The following CEMIP2 variants were observed in gnomAD, a reference collection of about 807,000 sequenced individuals.
CEMIP2 encodes cell surface hyaluronidase CEMIP2.
In CEMIP2, 79 loss-of-function variants were observed where a neutral mutation model predicts 146.9. The observed-to-expected ratio is 0.54, with a 90% CI of 0.45 to 0.65. The LOEUF (loss-of-function observed/expected upper bound fraction) is 0.65. Among genes scored for constraint, CEMIP2 ranks in the 30% least tolerant of loss-of-function variants. The pLI, the probability that CEMIP2 is intolerant of heterozygous loss-of-function variation, is 0.00. For synonymous variants in CEMIP2, 601 were observed against 606.3 expected, an observed-to-expected ratio of 0.99 and a Z score of 0.13; for missense variants, 1,596 against 1,696.2, an observed-to-expected ratio of 0.94 and a Z score of 1.04.
At chr9:71,763,638 T>G (rs1425100462) in intron 1 of CEMIP2, among the ~76,000 whole-genome samples, 1 of 152,248 alleles carries the variant, frequency 6.6e-6, no homozygotes, top group East Asian at 1.9e-4. Flanking sequence ...GGACCCTTGA[T>G]ACAACAAATG....
chr9:71,717,092 A>C (rs1564006565), intron 13 of CEMIP2, among the ~76,000 whole-genome samples: 1 of 152,286 alleles, frequency 6.6e-6, no homozygotes. Flanking sequence ...GGTTTGCTTG[A>C]GCATAGAAAG....
rs1377513489 is a variant in CEMIP2, at chr9:71,728,225, C to CTA, written c.2049+1619_2049+1620insTA. Among the ~76,000 whole-genome samples the CTA allele has an allele frequency of 5.9e-3, 118 of 19,888 alleles. 3 individuals carry two copies. The highest frequency in any genetic ancestry group is 8.5e-3 in the Admixed American group (11 of 1,292). 13.0% of individuals were successfully genotyped at this position (19,888 alleles called of 152,430 possible). A position where few individuals can be genotyped will look rare whatever the true frequency, so the allele number is the denominator to read the frequency against. On this transcript the variant is annotated intron_variant, in intron 10 of 23. Coordinates refer to ENST00000377044, the MANE Select transcript of CEMIP2 (RefSeq NM_013390.3). ...TCTCTCTCTCTCTCTCTCTCTCTCT[C>CTA]TCTCTCTATATATATATATATATAT...
At position 71,741,631 on chromosome 9, in the gene CEMIP2, G is replaced by GTTTTTTTT. The variant is rs11334265; in HGVS notation, c.1035-1407_1035-1400dup. ...CACCATTATTTCTTTTTCTTTTCTG[G>GTTTTTTTT]TTTTTTTTTTTTTTTTTTTTTTTTG... is the stretch of plus-strand genomic sequence containing the variant. On this transcript the variant is annotated intron_variant, in intron 4 of 23. Transcript: ENST00000377044. Among the ~76,000 whole-genome samples, 105 of 73,166 alleles carry GTTTTTTTT rather than the reference G, an allele frequency of 1.4e-3. 1 individual carries two copies. The highest frequency in any genetic ancestry group is 2.7e-3 in the South Asian group (5 of 1,836). The allele number at this position is 73,166 out of a possible 152,430, so 48.0% of individuals were successfully genotyped here.
At chr9:71,748,231 C>T (rs774333612) in intron 2 of CEMIP2, among the ~76,000 whole-genome samples, 12 of 152,132 alleles carry the variant, frequency 7.9e-5, no homozygotes, top group Non-Finnish European at 1.6e-4. Flanking sequence ...ACCAAAAATT[C>T]CAGTCTGTTT....
chr9:71,758,628 A>G (rs1391420808), intron 1 of CEMIP2, among the ~76,000 whole-genome samples: 1 of 152,216 alleles, frequency 6.6e-6, no homozygotes, highest in East Asian at 1.9e-4. Context: ...TGTCTCTTTC[A>G]GATCTGTAAG....
At chr9:71,734,373 G>A (rs1823704793) in intron 6 of CEMIP2, among the ~76,000 whole-genome samples, 1 of 152,116 alleles carries the variant, frequency 6.6e-6, no homozygotes, top group Admixed American at 6.5e-5. Flanking sequence ...GGCAGCGGGA[G>A]GGAAAGCATC....
At chr9:71,735,956 T>C (rs955083457) in intron 5 of CEMIP2, among the ~76,000 whole-genome samples, 4 of 152,138 alleles carry the variant, frequency 2.6e-5, no homozygotes, top group African/African-American at 7.2e-5. Flanking sequence ...TAGCTGGGCA[T>C]GGTGGCACAC....
chr9:71,749,054 G>A (rs10122507), intron 2 of CEMIP2, among the ~76,000 whole-genome samples: 4,860 of 152,126 alleles, frequency 0.032, 219 homozygotes, highest in African/African-American at 0.11. Flanking sequence ...TCTTTTATGA[G>A]GCAATTCTTT....
chr9:71,739,834 C>T (rs1823863918), intron 5 of CEMIP2, among the ~76,000 whole-genome samples: 1 of 152,126 alleles, frequency 6.6e-6, no homozygotes, highest in South Asian at 2.1e-4. Flanking sequence ...GACAATTCTT[C>T]TTCCAATGTG....
chr9:71,697,235 T>C (rs1032586621), intron 20 of CEMIP2, among the ~76,000 whole-genome samples: 1 of 152,236 alleles, frequency 6.6e-6, no homozygotes, highest in Middle Eastern at 3.2e-3. Flanking sequence ...CCATTTCCCT[T>C]AGCCCATATT....
At position 71,704,821 on chromosome 9, in the gene CEMIP2, GAAGTA is replaced by G. The variant is rs1416541231; in HGVS notation, c.2986-23_2986-19del. ...ACATAGACCTTGAAAAAATAATCAA[GAAGTA>G]AAGGGAAGAGAATGAAAATTTAAAC... On this transcript the variant is annotated intron_variant, in intron 17 of 23. Coordinates refer to ENST00000377044, the MANE Select transcript of CEMIP2 (RefSeq NM_013390.3). 1.2e-6 allele frequency: 2 copies of G among 1,604,784 alleles called. No individual in the cohort carries two copies. The highest frequency in any genetic ancestry group is 1.3e-5 in the African/African-American group (1 of 74,694).
At chr9:71,750,504 T>C in intron 1 of CEMIP2, 119 bp from the exon 2 acceptor site, 1 of 750,728 alleles carries the variant, frequency 1.3e-6, no homozygotes, top group Non-Finnish European at 2.0e-6. Flanking sequence ...TGCAATGGCA[T>C]GATCTCGGCT....
At chr9:71,708,523 A>G (rs1045788651) in intron 17 of CEMIP2, among the ~76,000 whole-genome samples, 1 of 152,210 alleles carries the variant, frequency 6.6e-6, no homozygotes, top group Non-Finnish European at 1.5e-5. Context: ...AACTTTTCCA[A>G]TGCATACTTT....
At chr9:71,711,808 T>G (rs1822913112) in intron 16 of CEMIP2, among the ~76,000 whole-genome samples, 1 of 152,168 alleles carries the variant, frequency 6.6e-6, no homozygotes, top group African/African-American at 2.4e-5. Context: ...CTCTTGTTCC[T>G]ATGAAACTCT....
rs372682118 is a variant in CEMIP2, at chr9:71,747,202, AT to A, written c.332-862del. On this transcript the variant is annotated intron_variant, in intron 2 of 23. Transcript: ENST00000377044. ...TCACGCCTTCAATTTTGATCAACCT[AT>A]GGCCAAGTATTTGTGGAGCATCAAT... Among the ~76,000 whole-genome samples the A allele has an allele frequency of 6.1e-3, 932 of 152,258 alleles. 42 individuals carry two copies. In the South Asian group the frequency reaches 0.12, roughly 20 times the overall value.
chr9:71,686,192 T>C (rs577281625), intron 22 of CEMIP2: 14 of 211,332 alleles, frequency 6.6e-5, no homozygotes, highest in Admixed American at 1.6e-4. Context: ...GCTTCATCTG[T>C]ATTTACAGCC....
At chr9:71,734,672 T>C in intron 6 of CEMIP2, 134 bp downstream of exon 6, 1 of 723,122 alleles carries the variant, frequency 1.4e-6, no homozygotes, top group Middle Eastern at 4.3e-4. Flanking sequence ...ACTCCACTGC[T>C]ATGACTTTCA....
intron 15 of CEMIP2, among the ~76,000 whole-genome samples, chr9:71,714,665 C>T (rs1187715130): frequency 1.3e-5 from 2 of 152,038 alleles, no homozygotes; most frequent in East Asian, 3.8e-4. Flanking sequence ...GAATGAGAAA[C>T]AAGACAAGTT....
chr9:71,759,560 G>T (rs1824564102), intron 1 of CEMIP2, among the ~76,000 whole-genome samples: 1 of 152,156 alleles, frequency 6.6e-6, no homozygotes, highest in Admixed American at 6.5e-5. Flanking sequence ...TGAGGGCTTG[G>T]ATCCTGGTAA....
Sources: gnomAD v4.1 joint callset for allele counts (sites outside exome capture counted in the v4.1 genomes callset) on GRCh38, gnomAD v4.1.1 for gene constraint, MANE v1.5 for transcripts, NCBI Gene and HGNC (gene_info 2026-07-23, HGNC 2026-07-21) for gene names.